DTL: variants seen among roughly 807,000 people sequenced by gnomAD.
DTL encodes denticleless protein homolog.
Under a neutral mutation model 87.0 loss-of-function variants are expected in DTL, and 46 were observed. The ratio of observed to expected loss-of-function variants is 0.53; its 90% CI spans 0.42 to 0.68. The LOEUF (loss-of-function observed/expected upper bound fraction) is 0.68. Ranked by LOEUF, DTL falls within the 30% of genes least tolerant of loss-of-function variation. The pLI is 0.00. For synonymous variants in DTL, 308 were observed against 311.2 expected (o/e 0.99, Z 0.11); for missense variants, 737 against 869.4 (o/e 0.85, Z 1.91).
At chr1:212,044,631 A>C (rs199630297) in intron 2 of DTL, 29 bp from the exon 3 acceptor site, 5 of 874,132 alleles carry the variant, frequency 5.7e-6, no homozygotes, top group African/African-American at 4.2e-5. Context: ...GTGTTACTCT[A>C]TATATTTTTT....
At chr1:212,057,583 AAC>A (rs1668216121) in intron 5 of DTL, among the ~76,000 whole-genome samples, 2 of 152,284 alleles carry the variant, frequency 1.3e-5, no homozygotes, top group South Asian at 4.1e-4. Context: ...CTGGTAAGCA[AAC>A]ACACAAACAA....
In DTL at chr1:212,101,095, A is replaced by G; in HGVS notation, c.2094+11A>G. On this transcript the variant is annotated intron_variant, in intron 14 of 14. Transcript: ENST00000366991. ...AAATTGCCAAGCCCGGTAAGTCAGC[A>G]GTGGTGGGAAGATACATTTCCTAAC... The G allele has an allele frequency of 1.3e-6, 2 of 1,566,600 alleles. No individual in the cohort carries two copies. The highest frequency in any genetic ancestry group is 1.7e-6 in the Non-Finnish European group (2 of 1,155,998).
At chr1:212,053,746 C>G (rs552871024) in intron 5 of DTL, among the ~76,000 whole-genome samples, 1 of 151,694 alleles carries the variant, frequency 6.6e-6, no homozygotes, top group Non-Finnish European at 1.5e-5. Flanking sequence ...CCACCACACC[C>G]AGCTAATTTT....
At chr1:212,038,280 A>G (rs755933194) in intron 1 of DTL, among the ~76,000 whole-genome samples, 1 of 152,238 alleles carries the variant, frequency 6.6e-6, no homozygotes, top group Non-Finnish European at 1.5e-5. Context: ...ACATTGTACA[A>G]AATTATGTTA....
intron 5 of DTL, among the ~76,000 whole-genome samples, chr1:212,048,490 C>T (rs1358736888): frequency 6.6e-6 from 1 of 152,174 alleles, no homozygotes; most frequent in Non-Finnish European, 1.5e-5. Flanking sequence ...CACACCCGGC[C>T]AAATGGCCCA....
intron 5 of DTL, among the ~76,000 whole-genome samples, chr1:212,053,819 T>C (rs1487910529): frequency 6.6e-6 from 1 of 152,216 alleles, no homozygotes; most frequent in Non-Finnish European, 1.5e-5. Context: ...TTTCTTTAAC[T>C]CATTTAACAT....
rs754671682 is a variant in DTL at position 212,100,894 on chromosome 1, C to T, written c.1904C>T (p.Thr635Met). The change falls in exon 14 of 15, where the codon ACG (threonine) becomes ATG (methionine). Residue 635 changes from threonine to methionine, a missense_variant. By Grantham distance (81) the Thr-to-Met change is moderately conservative (BLOSUM62 -1). Coordinates refer to ENST00000366991, the MANE Select transcript of DTL (RefSeq NM_016448.4). ...CCGTATGCTTCAGAAAGCTGTGGAA[C>T]GCTACCTCTTCCTTTGAGACCTTGT... Reference protein sequence around the residue: ...ISPYASESCGTLPLPLRPCGE... With the variant: ...ISPYASESCGMLPLPLRPCGE... 1.4e-5 allele frequency: 22 copies of T among 1,614,022 alleles called. No individual in the cohort carries two copies. The highest frequency in any genetic ancestry group is 8.8e-5 in the South Asian group (8 of 91,082).
At chr1:212,079,789 C>G (rs1654937993) in intron 12 of DTL, among the ~76,000 whole-genome samples, 1 of 152,194 alleles carries the variant, frequency 6.6e-6, no homozygotes. Flanking sequence ...TGTGTATCTT[C>G]TTTTGGCCTC....
chr1:212,042,913 A>G, intron 1 of DTL, 80 bp from the exon 2 acceptor site: 1 of 1,381,442 alleles, frequency 7.2e-7, no homozygotes, highest in Middle Eastern at 1.9e-4. Flanking sequence ...TCTTAAGGAC[A>G]AATATTTACC....
At chr1:212,070,176 A>G (rs1369369814) in intron 10 of DTL, among the ~76,000 whole-genome samples, 3 of 152,214 alleles carry the variant, frequency 2.0e-5, no homozygotes, top group Non-Finnish European at 4.4e-5. Flanking sequence ...TTTTTGCTAC[A>G]GTGTGGCACT....
At chr1:212,083,401 A>G (rs1210432216) in intron 13 of DTL, among the ~76,000 whole-genome samples, 1 of 152,196 alleles carries the variant, frequency 6.6e-6, no homozygotes, top group Admixed American at 6.5e-5. Context: ...AAACCATATC[A>G]GGAGGGAAGT....
chr1:212,094,734 C>T (rs933584655), intron 13 of DTL, among the ~76,000 whole-genome samples: 1 of 152,108 alleles, frequency 6.6e-6, no homozygotes, highest in African/African-American at 2.4e-5. Context: ...CATCCTTGAG[C>T]GTAGGTTGTG....
At position 212,044,647 on chromosome 1, in the gene DTL, A is replaced by G; in HGVS notation, c.179-13A>G. The G allele has an allele frequency of 6.7e-7, 1 of 1,500,824 alleles. No individual in the cohort carries two copies. The highest frequency in any genetic ancestry group is 9.1e-7 in the Non-Finnish European group (1 of 1,099,648). 93.0% of individuals were successfully genotyped at this position (1,500,824 alleles called of 1,614,324 possible). ...TGTTACTCTATATATTTTTTTCTTT[A>G]TTTCTGCTTTAGCTCCCAATATGGA... is the stretch of plus-strand genomic sequence containing the variant. On this transcript the variant is annotated splice_polypyrimidine_tract_variant and intron_variant, in intron 2 of 14. Transcript: ENST00000366991.
chr1:212,044,929 G>A (rs533961236), intron 3 of DTL, among the ~76,000 whole-genome samples, 171 bp downstream of exon 3: 35 of 152,296 alleles, frequency 2.3e-4, no homozygotes, highest in African/African-American at 8.4e-4. Flanking sequence ...GATTCTGCTG[G>A]CTAGAATAGT....
intron 5 of DTL, among the ~76,000 whole-genome samples, chr1:212,062,056 C>A (rs970657687): frequency 1.3e-5 from 2 of 152,192 alleles, no homozygotes; most frequent in African/African-American, 4.8e-5. Context: ...ACCCCAGATA[C>A]CCTGACTTGA....
At chr1:212,097,034 A>G (rs905454439) in intron 13 of DTL, among the ~76,000 whole-genome samples, 1 of 152,220 alleles carries the variant, frequency 6.6e-6, no homozygotes, top group African/African-American at 2.4e-5. Flanking sequence ...TTTGTAAACT[A>G]TGCTGGCTTG....
At chr1:212,065,390 G>A (rs1197384764) in intron 7 of DTL, among the ~76,000 whole-genome samples, 2 of 151,588 alleles carry the variant, frequency 1.3e-5, no homozygotes, top group Non-Finnish European at 2.9e-5. Flanking sequence ...TTAAAAAATT[G>A]ATAACATAAT....
At chr1:212,043,303 A>G (rs1667708584) in intron 2 of DTL, among the ~76,000 whole-genome samples, 185 bp downstream of exon 2, 1 of 152,240 alleles carries the variant, frequency 6.6e-6, no homozygotes, top group Non-Finnish European at 1.5e-5. Context: ...CATCATTAGC[A>G]TAACTATATT....
chr1:212,096,618 T>C (rs533060586), intron 13 of DTL, among the ~76,000 whole-genome samples: 1 of 152,232 alleles, frequency 6.6e-6, no homozygotes, highest in African/African-American at 2.4e-5. Context: ...TCCAGCTTGA[T>C]TTTGATTTCA....
Sources: allele counts gnomAD v4.1 joint callset (sites outside exome capture counted in the v4.1 genomes callset), GRCh38; gene constraint gnomAD v4.1.1; transcripts MANE v1.5; gene names NCBI Gene and HGNC (gene_info 2026-07-23, HGNC 2026-07-21).